CAMK2D: variants seen among roughly 807,000 people sequenced by gnomAD.
The protein encoded by CAMK2D is calcium/calmodulin dependent protein kinase II delta, also known as calcium/calmodulin-dependent protein kinase type II subunit delta.
Under a neutral mutation model 84.0 loss-of-function variants are expected in CAMK2D, and 37 were observed. That is an observed-to-expected ratio of 0.44 (90% confidence interval 0.34 to 0.58). The LOEUF is 0.58. Ranked by LOEUF, CAMK2D falls within the 20% of genes least tolerant of loss-of-function variation. CAMK2D has a pLI of 0.02. For synonymous variants in CAMK2D, 202 were observed against 212.5 expected (o/e 0.95, Z 0.43); for missense variants, 448 against 652.5 (o/e 0.69, Z 3.41).
intron 3 of CAMK2D, among the ~76,000 whole-genome samples, chr4:113,620,570 T>C (rs2154276781): frequency 6.6e-6 from 1 of 151,562 alleles, no homozygotes; most frequent in Admixed American, 6.6e-5. Context: ...TGCCCTGGCA[T>C]GATCTTGACT....
chr4:113,558,807 A>G (rs1201887185), intron 4 of CAMK2D, among the ~76,000 whole-genome samples: 1 of 149,354 alleles, frequency 6.7e-6, no homozygotes, highest in Non-Finnish European at 1.5e-5. Context: ...AGGAGTTCAA[A>G]AACAGCCTAG....
chr4:113,565,526 C>A (rs905915072), intron 4 of CAMK2D, among the ~76,000 whole-genome samples: 1 of 151,784 alleles, frequency 6.6e-6, no homozygotes, highest in Non-Finnish European at 1.5e-5. Flanking sequence ...TGGTGCATGC[C>A]GGTAATCCCA....
chr4:113,558,799 G>A (rs2098683691), intron 4 of CAMK2D, among the ~76,000 whole-genome samples: 1 of 148,942 alleles, frequency 6.7e-6, no homozygotes, highest in Non-Finnish European at 1.5e-5. Flanking sequence ...TTGAGCCTAG[G>A]AGTTCAAAAA....
intron 2 of CAMK2D, among the ~76,000 whole-genome samples, chr4:113,717,171 A>G (rs1297801427): frequency 6.6e-6 from 1 of 152,150 alleles, no homozygotes; most frequent in Non-Finnish European, 1.5e-5. Flanking sequence ...TTAAGAGGGA[A>G]AGGCAGATGT....
At chr4:113,688,195 A>C (rs969365949) in intron 2 of CAMK2D, among the ~76,000 whole-genome samples, 2 of 152,154 alleles carry the variant, frequency 1.3e-5, no homozygotes, top group Non-Finnish European at 2.9e-5. Flanking sequence ...CATGAAGCAA[A>C]CTAATGGATC....
chr4:113,492,519 A>G (rs2097858541), intron 16 of CAMK2D, among the ~76,000 whole-genome samples: 2 of 151,938 alleles, frequency 1.3e-5, no homozygotes, highest in South Asian at 4.2e-4. Context: ...GTTTGTTATA[A>G]TTTCTGTTCT....
intron 16 of CAMK2D, among the ~76,000 whole-genome samples, chr4:113,474,279 CTCAGA>C (rs2097578212): frequency 6.6e-6 from 1 of 152,154 alleles, no homozygotes. Flanking sequence ...ACATCCTCTG[CTCAGA>C]TTTAAGATTA....
chr4:113,628,645 G>A (rs142341656), intron 3 of CAMK2D, among the ~76,000 whole-genome samples: 193 of 152,194 alleles, frequency 1.3e-3, no homozygotes, highest in African/African-American at 4.5e-3. Context: ...ACAGCTCTCT[G>A]AAGATGATGC....
intron 4 of CAMK2D, among the ~76,000 whole-genome samples, chr4:113,576,176 C>A (rs1464228472): frequency 2.0e-5 from 3 of 152,042 alleles, no homozygotes; most frequent in Non-Finnish European, 4.4e-5. Flanking sequence ...GATGGGACTA[C>A]AGAAATGAGC....
At chr4:113,699,292 T>C (rs1028405131) in intron 2 of CAMK2D, among the ~76,000 whole-genome samples, 3 of 152,122 alleles carry the variant, frequency 2.0e-5, no homozygotes, top group African/African-American at 7.2e-5. Context: ...TTTTGTTTAA[T>C]ATCTATGATA....
intron 2 of CAMK2D, among the ~76,000 whole-genome samples, chr4:113,710,270 G>A (rs1380829231): frequency 6.6e-6 from 1 of 152,082 alleles, no homozygotes; most frequent in African/African-American, 2.4e-5. Context: ...AGTGAAAAAG[G>A]ACAATTGTGT....
chr4:113,604,324 T>C (rs1314442730), intron 4 of CAMK2D, among the ~76,000 whole-genome samples: 1 of 152,200 alleles, frequency 6.6e-6, no homozygotes, highest in Non-Finnish European at 1.5e-5. Flanking sequence ...TTCCTTTTCA[T>C]AGATTATTGC....
intron 3 of CAMK2D, among the ~76,000 whole-genome samples, chr4:113,625,911 G>A (rs1455616863): frequency 6.6e-6 from 1 of 152,044 alleles, no homozygotes; most frequent in African/African-American, 2.4e-5. Flanking sequence ...CCACTCTAGA[G>A]GCTAAGGTGG....
At chr4:113,571,996 G>C (rs1302487057) in intron 4 of CAMK2D, among the ~76,000 whole-genome samples, 1 of 152,022 alleles carries the variant, frequency 6.6e-6, no homozygotes, top group Non-Finnish European at 1.5e-5. Flanking sequence ...TATGTAGAGA[G>C]ACATGTTGGG....
chr4:113,754,908 A>T (rs939560390), intron 2 of CAMK2D: 1 of 983,432 alleles, frequency 1.0e-6, no homozygotes, highest in Non-Finnish European at 1.2e-6. Flanking sequence ...TGATTTACTA[A>T]TTTTTTTCTT....
At chr4:113,648,945 G>A (rs2099162105) in intron 3 of CAMK2D, among the ~76,000 whole-genome samples, 3 of 152,160 alleles carry the variant, frequency 2.0e-5, no homozygotes, top group Non-Finnish European at 2.9e-5. Context: ...TTTCAAATCA[G>A]TGAAATTTCT....
intron 4 of CAMK2D, among the ~76,000 whole-genome samples, chr4:113,555,513 G>GT (rs1223623738): frequency 6.6e-6 from 1 of 152,182 alleles, no homozygotes; most frequent in Non-Finnish European, 1.5e-5. Flanking sequence ...CGTTTGAGCA[G>GT]TGGTAACAGA....
chr4:113,652,407 T>C (rs1375193133), intron 3 of CAMK2D, among the ~76,000 whole-genome samples: 1 of 152,168 alleles, frequency 6.6e-6, no homozygotes, highest in Non-Finnish European at 1.5e-5. Context: ...TCGGCCTACT[T>C]CACATCTTAA....
At chr4:113,459,888 G>T (rs1207048974) in intron 18 of CAMK2D, among the ~76,000 whole-genome samples, 1 of 151,910 alleles carries the variant, frequency 6.6e-6, no homozygotes, top group Non-Finnish European at 1.5e-5. Flanking sequence ...GGCCCCCAAA[G>T]CACTGGGATT....
Sources: allele counts gnomAD v4.1 joint callset (sites outside exome capture counted in the v4.1 genomes callset), GRCh38; gene constraint gnomAD v4.1.1; transcripts MANE v1.5; gene names NCBI Gene and HGNC (gene_info 2026-07-23, HGNC 2026-07-21).